The following RORA variants were observed in gnomAD, a reference collection of about 807,000 sequenced individuals.
RORA encodes the protein RAR related orphan receptor A, also known as nuclear receptor ROR-alpha.
RORA carries 7 observed loss-of-function variants against 69.5 expected under a neutral mutation model. The ratio of observed to expected loss-of-function variants is 0.10; its 90% CI spans 0.06 to 0.19. The LOEUF (loss-of-function observed/expected upper bound fraction) is 0.19. Among genes scored for constraint, RORA ranks in the 10% least tolerant of loss-of-function variants. The pLI is 1.00. For missense variants in RORA, 457 were observed against 663.0 expected (o/e 0.69, Z 3.41); for synonymous variants, 261 against 240.8 (o/e 1.08, Z -0.78).
At chr15:60,852,132 T>A (rs1273353423) in intron 1 of RORA, among the ~76,000 whole-genome samples, 1 of 152,152 alleles carries the variant, frequency 6.6e-6, no homozygotes, top group Non-Finnish European at 1.5e-5. Flanking sequence ...GCAGGGCCTG[T>A]CCCTATGTGA....
chr15:60,993,533 C>T (rs1174340402), intron 1 of RORA, among the ~76,000 whole-genome samples: 1 of 150,590 alleles, frequency 6.6e-6, no homozygotes, highest in Non-Finnish European at 1.5e-5. Flanking sequence ...ATCCTGGCTA[C>T]TCTGGAGGCT....
chr15:60,854,477 A>C (rs910228464), intron 1 of RORA, among the ~76,000 whole-genome samples: 6 of 152,182 alleles, frequency 3.9e-5, no homozygotes, highest in East Asian at 1.9e-4. Flanking sequence ...GTTGATGATA[A>C]ACAGAATCTG....
chr15:60,920,583 G>A (rs1892011770), intron 1 of RORA, among the ~76,000 whole-genome samples: 1 of 152,108 alleles, frequency 6.6e-6, no homozygotes, highest in Non-Finnish European at 1.5e-5. Flanking sequence ...AGATATGACA[G>A]ATGTGGATTA....
chr15:60,878,400 C>A (rs1405031128), intron 1 of RORA, among the ~76,000 whole-genome samples: 2 of 147,322 alleles, frequency 1.4e-5, no homozygotes, highest in Non-Finnish European at 3.0e-5. Flanking sequence ...GACAGAGTGA[C>A]TTTCTCCTCA....
chr15:61,018,037 G>A (rs1200908743), intron 1 of RORA, among the ~76,000 whole-genome samples: 1 of 152,174 alleles, frequency 6.6e-6, no homozygotes, highest in African/African-American at 2.4e-5. Flanking sequence ...TAGAAGCACT[G>A]TTCATATAGA....
intron 1 of RORA, among the ~76,000 whole-genome samples, chr15:60,718,696 C>A (rs1199489467): frequency 2.0e-5 from 3 of 152,158 alleles, no homozygotes; most frequent in Non-Finnish European, 4.4e-5. Flanking sequence ...ATCTAACCAT[C>A]CATGTCTTGA....
At chr15:61,056,360 T>G in intron 1 of RORA, among the ~76,000 whole-genome samples, 1 of 152,306 alleles carries the variant, frequency 6.6e-6, no homozygotes. Context: ...TGCTCTTAAA[T>G]GGAAAAACTA....
intron 1 of RORA, among the ~76,000 whole-genome samples, chr15:60,919,270 A>G (rs1159827549): frequency 1.3e-5 from 2 of 152,176 alleles, no homozygotes; most frequent in Non-Finnish European, 1.5e-5. Flanking sequence ...CATATGAAGA[A>G]TAAGAGAAAC....
Position 60,504,777 on chromosome 15 carries a change from C to G in RORA, c.942+731G>C, listed in dbSNP as rs186094581. ...CCTTTTATATTCGCACTCTCCATTT[C>G]AGTTACAGAATGGTCTGGATCTTTT... On this transcript the variant is annotated intron_variant, in intron 6 of 10. Transcript: ENST00000335670. Among the ~76,000 whole-genome samples, 315 of 152,266 alleles carry G rather than the reference C, an allele frequency of 2.1e-3. 5 individuals are homozygous for G. The highest frequency in any genetic ancestry group is 2.2e-4 in the Non-Finnish European group (15 of 68,008).
At position 60,684,250 on chromosome 15, in the gene RORA, C is replaced by T. The variant is rs151058266; in HGVS notation, c.167-5564G>A. On this transcript the variant is annotated intron_variant, in intron 1 of 10. Coordinates refer to ENST00000335670, the MANE Select transcript of RORA (RefSeq NM_134261.3). ...ATTCAGCCTGTGTGTCTTCTTTTGT[C>T]CTCTTTTGCAACGAGAAAACAACTT... Among the ~76,000 whole-genome samples, 653 of 148,898 alleles carry T rather than the reference C, an allele frequency of 4.4e-3. 3 individuals carry two copies. The highest frequency in any genetic ancestry group is 0.014 in the African/African-American group (595 of 41,424).
chr15:61,078,766 G>GCGAT (rs2078491374), intron 1 of RORA, among the ~76,000 whole-genome samples: 2 of 150,326 alleles, frequency 1.3e-5, no homozygotes, highest in African/African-American at 4.9e-5. Context: ...GGAGGGTATG[G>GCGAT]CTATCTATCT....
At chr15:60,589,333 C>T (rs1013284840) in intron 2 of RORA, among the ~76,000 whole-genome samples, 8 of 152,194 alleles carry the variant, frequency 5.3e-5, no homozygotes, top group African/African-American at 1.4e-4. Flanking sequence ...TCAGGCCGGA[C>T]GAAGAATCTA....
At chr15:60,498,542 G>T (rs1376502949) in intron 10 of RORA, among the ~76,000 whole-genome samples, 5 of 152,202 alleles carry the variant, frequency 3.3e-5, no homozygotes, top group Non-Finnish European at 7.3e-5. Context: ...TGAGGGTAAT[G>T]ACACAATTTG....
At chr15:61,141,584 A>G (rs1033471670) in intron 1 of RORA, among the ~76,000 whole-genome samples, 2 of 152,262 alleles carry the variant, frequency 1.3e-5, no homozygotes, top group African/African-American at 4.8e-5. Context: ...GAAAGACTTT[A>G]GAAAAGGCGT....
intron 1 of RORA, among the ~76,000 whole-genome samples, chr15:61,124,557 T>C (rs1164668736): frequency 1.3e-5 from 2 of 152,362 alleles, no homozygotes; most frequent in East Asian, 3.9e-4. Context: ...AGAATAACCC[T>C]TTAGTTTCCG....
chr15:60,718,351 T>C (rs1157597727), intron 1 of RORA, among the ~76,000 whole-genome samples: 1 of 152,158 alleles, frequency 6.6e-6, no homozygotes, highest in Non-Finnish European at 1.5e-5. Flanking sequence ...GTGGTTTTCT[T>C]GTTGGGGAAT....
At chr15:60,573,279 C>T (rs2067933737) in intron 2 of RORA, among the ~76,000 whole-genome samples, 1 of 152,158 alleles carries the variant, frequency 6.6e-6, no homozygotes, top group Non-Finnish European at 1.5e-5. Context: ...AATGAAGTCC[C>T]TGAATCAATT....
intron 1 of RORA, chr15:60,765,586 A>G (rs1292909998): frequency 6.6e-6 from 1 of 152,122 alleles, no homozygotes; most frequent in Non-Finnish European, 1.5e-5. Flanking sequence ...CGATTCGGAT[A>G]AGGATAGTAT....
At chr15:61,123,510 CA>C (rs1483656674) in intron 1 of RORA, among the ~76,000 whole-genome samples, 1 of 152,246 alleles carries the variant, frequency 6.6e-6, no homozygotes, top group East Asian at 1.9e-4. Context: ...AAACAATCCT[CA>C]AAAAATTCTT....
Sources: gnomAD v4.1 joint callset for allele counts (sites outside exome capture counted in the v4.1 genomes callset) on GRCh38, gnomAD v4.1.1 for gene constraint, MANE v1.5 for transcripts, NCBI Gene and HGNC (gene_info 2026-07-23, HGNC 2026-07-21) for gene names.